Variants in SHB observed in about 807,000 individuals in gnomAD.
SHB encodes the protein SH2 domain containing adaptor protein B, also known as SH2 domain-containing adapter protein B.
A neutral mutation model predicts 52.3 loss-of-function variants in SHB; 20 were observed. That is an observed-to-expected ratio of 0.38 (90% CI 0.27 to 0.56). The LOEUF (loss-of-function observed/expected upper bound fraction) is 0.56, where lower values mean the gene tolerates loss of function less well. Among genes scored for constraint, SHB ranks in the 20% least tolerant of loss-of-function variants. The pLI, the probability that SHB is intolerant of heterozygous loss-of-function variation, is 0.71. For missense variants in SHB, 825 were observed against 723.3 expected (o/e 1.14, Z -1.61); for synonymous variants, 397 against 316.5 (o/e 1.25, Z -2.70).
chr9:38,008,242 G>A (rs961267048), intron 2 of SHB, among the ~76,000 whole-genome samples: 5 of 152,154 alleles, frequency 3.3e-5, no homozygotes, highest in African/African-American at 9.7e-5. Context: ...GAGGGGAGCC[G>A]GGGTGAGAGA....
In SHB at chr9:38,066,325, C is replaced by A. The variant is rs77172931; in HGVS notation, c.717+1604G>T. ...GGGTAACAAGGAGGATGCATAAAGT[C>A]CAGTGCAGTTAGCCGTGACCCTCTC... On this transcript the variant is annotated intron_variant, in intron 1 of 5. Coordinates refer to ENST00000377707, the MANE Select transcript of SHB (RefSeq NM_003028.3). Among the ~76,000 whole-genome samples, 1,129 of 152,270 alleles carry A rather than the reference C, an allele frequency of 7.4e-3. 15 individuals carry two copies. Among genetic ancestry groups the A allele is most frequent in the African/African-American group, 0.026 (1,098 of 41,540 alleles).
chr9:37,943,198 GTGCATGGGTTTAAGACC>G (rs1832454439), intron 5 of SHB, among the ~76,000 whole-genome samples: 1 of 152,146 alleles, frequency 6.6e-6, no homozygotes, highest in Non-Finnish European at 1.5e-5. Flanking sequence ...TTTCTCCCCT[GTGCATGGGTTTAAGACC>G]TGCTCATCCT....
chr9:38,001,038 T>C (rs1274486484), intron 2 of SHB, among the ~76,000 whole-genome samples: 2 of 152,262 alleles, frequency 1.3e-5, no homozygotes, highest in African/African-American at 4.8e-5. Flanking sequence ...CATGGGGCAC[T>C]GTTACATGGC....
chr9:38,001,882 G>A (rs557789931), intron 2 of SHB, among the ~76,000 whole-genome samples: 3 of 152,360 alleles, frequency 2.0e-5, no homozygotes, highest in African/African-American at 7.2e-5. Flanking sequence ...CAGGAGAGAA[G>A]AGAAAAGGCC....
At chr9:38,017,574 T>C (rs1821229626) in intron 1 of SHB, among the ~76,000 whole-genome samples, 1 of 152,172 alleles carries the variant, frequency 6.6e-6, no homozygotes, top group Admixed American at 6.5e-5. Context: ...ACGGGAGGTT[T>C]AGCACACAGC....
At chr9:37,932,873 C>A (rs1355611416) in intron 5 of SHB, among the ~76,000 whole-genome samples, 1 of 152,218 alleles carries the variant, frequency 6.6e-6, no homozygotes, top group Non-Finnish European at 1.5e-5. Context: ...CCTTGGCCTC[C>A]CAAAGCGCTG....
At chr9:38,019,504 C>T (rs1821257459) in intron 1 of SHB, among the ~76,000 whole-genome samples, 1 of 152,232 alleles carries the variant, frequency 6.6e-6, no homozygotes, top group Non-Finnish European at 1.5e-5. Context: ...CTGTTCATCC[C>T]AAAGGAAAGG....
At chr9:38,034,354 G>A (rs1821455278) in intron 1 of SHB, among the ~76,000 whole-genome samples, 1 of 152,254 alleles carries the variant, frequency 6.6e-6, no homozygotes, top group South Asian at 2.1e-4. Context: ...TGCAAGGACA[G>A]TGATAATGAT....
At chr9:38,060,433 T>TGTGCTGGGATTACAGGAA (rs777062668) in intron 1 of SHB, among the ~76,000 whole-genome samples, 2 of 152,108 alleles carry the variant, frequency 1.3e-5, no homozygotes, top group Non-Finnish European at 2.9e-5. Flanking sequence ...GGCCTCCCAA[T>TGTGCTGGGATTACAGGAA]GTGCTGGGAT....
At chr9:38,034,729 C>T (rs1587255585) in intron 1 of SHB, among the ~76,000 whole-genome samples, 2 of 152,370 alleles carry the variant, frequency 1.3e-5, no homozygotes, top group East Asian at 3.9e-4. Flanking sequence ...CGCAGTCTCG[C>T]TCTGCCACCC....
intron 1 of SHB, among the ~76,000 whole-genome samples, chr9:38,064,541 CCT>C (rs1247596503): frequency 6.6e-6 from 1 of 152,222 alleles, no homozygotes; most frequent in Non-Finnish European, 1.5e-5. Context: ...CACCCTCTCC[CCT>C]GAGCTGAGAT....
intron 1 of SHB, among the ~76,000 whole-genome samples, chr9:38,031,246 G>A (rs532489384): frequency 1.2e-3 from 186 of 152,236 alleles, no homozygotes; most frequent in Non-Finnish European, 1.6e-3. Context: ...GCTTGAACCC[G>A]GGAGGCAGAG....
chr9:37,936,169 T>C (rs1316765291), intron 5 of SHB, among the ~76,000 whole-genome samples: 1 of 152,086 alleles, frequency 6.6e-6, no homozygotes. Context: ...TGAGCCGAGA[T>C]AGCGCCATTG....
At chr9:37,951,002 C>T (rs949818236) in intron 4 of SHB, among the ~76,000 whole-genome samples, 6 of 152,334 alleles carry the variant, frequency 3.9e-5, no homozygotes, top group African/African-American at 4.8e-5. Context: ...CCGGCACTGA[C>T]ATTCTCCTCA....
At chr9:37,935,044 GT>G (rs771183720) in intron 5 of SHB, among the ~76,000 whole-genome samples, 4 of 152,206 alleles carry the variant, frequency 2.6e-5, no homozygotes, top group Non-Finnish European at 4.4e-5. Context: ...TTTGGTTAGG[GT>G]TGGAACAATT....
At chr9:37,980,213 C>T (rs2266013) in intron 2 of SHB, among the ~76,000 whole-genome samples, 87,098 of 152,108 alleles carry the variant, frequency 0.57, 25,338 homozygotes, top group East Asian at 0.77. Context: ...TAACATTTTA[C>T]CCACGGCAGA....
intron 1 of SHB, among the ~76,000 whole-genome samples, chr9:38,021,955 C>T (rs1489792058): frequency 3.3e-5 from 5 of 152,196 alleles, no homozygotes; most frequent in Non-Finnish European, 7.4e-5. Context: ...CTCCTCTCCC[C>T]GGAAAGTGAG....
intron 3 of SHB, 109 bp from the exon 4 acceptor site, chr9:37,956,163 C>A (rs1366285775): frequency 9.9e-7 from 1 of 1,011,592 alleles, no homozygotes. Context: ...TTACAGCTTG[C>A]AGGAGGAAGG....
intron 1 of SHB, among the ~76,000 whole-genome samples, chr9:38,023,296 G>A (rs1417676514): frequency 1.3e-5 from 2 of 152,192 alleles, no homozygotes; most frequent in Admixed American, 6.5e-5. Context: ...TCTGAGTTTC[G>A]GCAGGTCACC....
Sources: allele counts gnomAD v4.1 joint callset (sites outside exome capture counted in the v4.1 genomes callset), GRCh38; gene constraint gnomAD v4.1.1; transcripts MANE v1.5; gene names NCBI Gene and HGNC (gene_info 2026-07-23, HGNC 2026-07-21).